Variants in ELF2 observed in about 807,000 individuals in gnomAD.
The protein encoded by ELF2 is E74 like ETS transcription factor 2.
In ELF2, 11 loss-of-function variants were observed where a neutral mutation model predicts 54.8. That is an observed-to-expected ratio of 0.20 (90% CI 0.13 to 0.33). The LOEUF is 0.33. ELF2 is among the 10% of genes least tolerant of loss of function. The pLI, the probability that ELF2 is intolerant of heterozygous loss-of-function variation, is 1.00. For missense variants in ELF2, 513 were observed against 703.0 expected (o/e 0.73, Z 3.06); for synonymous variants, 203 against 245.1 (o/e 0.83, Z 1.61).
chr4:139,140,883 C>T (rs1174093626), intron 1 of ELF2, among the ~76,000 whole-genome samples: 1 of 152,060 alleles, frequency 6.6e-6, no homozygotes, highest in Non-Finnish European at 1.5e-5. Context: ...CTTGTCTCCA[C>T]TTTCTAATTT....
intron 1 of ELF2, among the ~76,000 whole-genome samples, chr4:139,175,771 T>G (rs946387476): frequency 4.6e-5 from 7 of 152,234 alleles, no homozygotes; most frequent in African/African-American, 1.7e-4. Flanking sequence ...TAAATGTTCA[T>G]GAACACAAGA....
At chr4:139,070,297 G>A (rs887684526) in intron 6 of ELF2, among the ~76,000 whole-genome samples, 1 of 144,646 alleles carries the variant, frequency 6.9e-6, no homozygotes, top group Non-Finnish European at 1.5e-5. Flanking sequence ...TAAATGTGGT[G>A]TTTTTTTTTT....
intron 4 of ELF2, among the ~76,000 whole-genome samples, chr4:139,077,791 T>G (rs903355400): frequency 6.6e-6 from 1 of 152,194 alleles, no homozygotes; most frequent in East Asian, 1.9e-4. Context: ...AGCTGAAAAG[T>G]AGAATTCCTT....
chr4:139,156,184 G>A (rs1386998564), intron 1 of ELF2, among the ~76,000 whole-genome samples: 2 of 151,174 alleles, frequency 1.3e-5, no homozygotes. Context: ...TTTGGCGGGG[G>A]AGTCGTCGGG....
rs1314098461 is a variant in ELF2, at chr4:139,114,660, T to G, written c.238+10504A>C. Among the ~76,000 whole-genome samples, 126 of 144,076 alleles carry G rather than the reference T, an allele frequency of 8.7e-4. 2 individuals carry two copies. Among genetic ancestry groups the G allele is most frequent in the African/African-American group, 3.3e-3 (125 of 38,348 alleles). The allele number at this position is 144,076 out of a possible 152,430, so 94.5% of individuals were successfully genotyped here. The stretch of plus-strand genomic sequence containing the variant: ...TTTCTTTCTTTTTTTTTTTTTTTTT[T>G]GCACCAAAGGCGTATCCTAGCTTTA... On this transcript the variant is annotated intron_variant, in intron 4 of 9. Transcript: ENST00000686138.
chr4:139,091,495 T>A (rs1285993391), intron 4 of ELF2, among the ~76,000 whole-genome samples: 1 of 151,876 alleles, frequency 6.6e-6, no homozygotes, highest in Non-Finnish European at 1.5e-5. Flanking sequence ...AAAATAGTAA[T>A]TTTTTTTGAG....
rs748949267 is a variant in ELF2 at position 139,059,461 on chromosome 4, A to G, written c.1304T>C (p.Ile435Thr). ...TGGCATCACAGTAGGGATTGTCTGA[A>G]TGACTACCTTTGGAGAGGTCGCTGT... ...PTTATSPKVV[I>T]QTIPTVMPAS... is the part of the protein sequence containing the mutation. Residue 435 changes from isoleucine to threonine, a missense_variant, in exon 10 of 10, where the codon ATT (isoleucine) becomes ACT (threonine). Around this residue, in one of 3 missense-constraint regions of ELF2, gnomAD observed 291 missense variants for 366.1 expected, o/e 0.79. Coordinates refer to ENST00000686138, the MANE Select transcript of ELF2 (RefSeq NM_001331036.3). 5 of 1,613,964 alleles carry G rather than the reference A, an allele frequency of 3.1e-6. No homozygotes were observed. The highest frequency in any genetic ancestry group is 3.4e-6 in the Non-Finnish European group (4 of 1,179,862).
In ELF2 at chr4:139,153,062, G is replaced by A. The variant is rs1740177190; in HGVS notation, c.-251-13565C>T. Among the ~76,000 whole-genome samples the A allele has an allele frequency of 3.3e-5, 5 of 151,718 alleles. No homozygotes were observed. In the South Asian group the frequency reaches 1.0e-3, roughly 32 times the overall value. ...TTCTTTCCATCCTTACAACAGCCCT[G>A]TAAAATAGGCATAATTATCCCCTTT... On this transcript the variant is annotated intron_variant, in intron 1 of 9. Transcript: ENST00000686138.
intron 3 of ELF2, among the ~76,000 whole-genome samples, chr4:139,126,090 A>G (rs905375464): frequency 3.9e-5 from 6 of 152,176 alleles, no homozygotes; most frequent in Non-Finnish European, 8.8e-5. Flanking sequence ...TATTCCACAC[A>G]CAGAGAAGAT....
chr4:139,118,788 G>T (rs1272441621), intron 4 of ELF2, among the ~76,000 whole-genome samples: 2 of 151,938 alleles, frequency 1.3e-5, no homozygotes, highest in African/African-American at 4.8e-5. Context: ...GTCTATACTT[G>T]AAGTCACAGG....
At chr4:139,134,162 TAATG>T (rs1431887871) in intron 3 of ELF2, among the ~76,000 whole-genome samples, 1 of 152,182 alleles carries the variant, frequency 6.6e-6, no homozygotes, top group Non-Finnish European at 1.5e-5. Context: ...AAAGTTTGTA[TAATG>T]AATAGGTGTT....
At chr4:139,166,374 C>A (rs1484111158) in intron 1 of ELF2, among the ~76,000 whole-genome samples, 1 of 150,218 alleles carries the variant, frequency 6.7e-6, no homozygotes, top group Admixed American at 6.6e-5. Context: ...GTGACAGAGT[C>A]AAACTGTCTC....
rs574117767 is a variant in ELF2, at chr4:139,062,295, C to T, written c.614-238G>A. Among the ~76,000 whole-genome samples, 5 of 152,160 alleles carry T rather than the reference C, an allele frequency of 3.3e-5. No homozygotes were observed. The South Asian group carries it at 1.0e-3, about 32-fold the overall frequency. On this transcript the variant is annotated intron_variant, in intron 7 of 9. Coordinates refer to ENST00000686138, the MANE Select transcript of ELF2 (RefSeq NM_001331036.3). ...AAGCAATTCTCCTGCCTCGGCCTCC[C>T]GAGTAGCTGGGATTACAGGCACATT...
In ELF2 at chr4:139,150,081, T is replaced by C. The variant is rs549895691; in HGVS notation, c.-251-10584A>G. Among the ~76,000 whole-genome samples the C allele has an allele frequency of 1.3e-3, 200 of 152,178 alleles. 1 individual carries two copies. The highest frequency in any genetic ancestry group is 4.7e-3 in the African/African-American group (195 of 41,516). ...GTGGCCAGGCACAGTGGCTCACGCC[T>C]GTAATCCCAATACTTTGGGAGGCCG... On this transcript the variant is annotated intron_variant, in intron 1 of 9. Coordinates refer to ENST00000686138, the MANE Select transcript of ELF2 (RefSeq NM_001331036.3).
At position 139,093,210 on chromosome 4, in the gene ELF2, C is replaced by T. The variant is rs1321952317; in HGVS notation, c.239-19643G>A. Reference sequence around the variant, plus strand: ...TCGATCTCCTGACCTCGTGATCCGCCCACCTCGGCCTCCCAAAGTGCTGGG... The same window carrying T: ...TCGATCTCCTGACCTCGTGATCCGCTCACCTCGGCCTCCCAAAGTGCTGGG... On this transcript the variant is annotated intron_variant, in intron 4 of 9. Coordinates refer to ENST00000686138, the MANE Select transcript of ELF2 (RefSeq NM_001331036.3). Among the ~76,000 whole-genome samples, 4 of 152,202 alleles carry T rather than the reference C, an allele frequency of 2.6e-5. No homozygotes were observed. In the South Asian group the frequency reaches 8.3e-4, roughly 32 times the overall value.
intron 5 of ELF2, among the ~76,000 whole-genome samples, chr4:139,072,441 A>AAT (rs1729649190): frequency 6.6e-6 from 1 of 152,214 alleles, no homozygotes; most frequent in Non-Finnish European, 1.5e-5. Context: ...TTTAACAGGT[A>AAT]ATATATGCAT....
At position 139,150,967 on chromosome 4, in the gene ELF2, T is replaced by TGAGGCGAGA. The variant is rs1553971233; in HGVS notation, c.-251-11471_-251-11470insTCTCGCCTC. Among the ~76,000 whole-genome samples, 25 of 135,832 alleles carry TGAGGCGAGA rather than the reference T, an allele frequency of 1.8e-4. 1 individual carries two copies. Among genetic ancestry groups the TGAGGCGAGA allele is most frequent in the Admixed American group, 5.1e-4 (7 of 13,726 alleles). 89.1% of individuals were successfully genotyped at this position (135,832 alleles called of 152,430 possible). The stretch of plus-strand genomic sequence containing the variant: ...GTGAACCCGGGAGGCGAGCTTGCAG[T>TGAGGCGAGA]GAGCCGAGATCGCACCACTGCACTC... On this transcript the variant is annotated intron_variant, in intron 1 of 9. Coordinates refer to ENST00000686138, the MANE Select transcript of ELF2 (RefSeq NM_001331036.3).
intron 4 of ELF2, among the ~76,000 whole-genome samples, chr4:139,097,763 T>C (rs1733441711): frequency 6.6e-6 from 1 of 152,230 alleles, no homozygotes; most frequent in African/African-American, 2.4e-5. Context: ...TTCATTGTTT[T>C]CTAATATTCT....
At chr4:139,087,998 A>G (rs1732174730) in intron 4 of ELF2, among the ~76,000 whole-genome samples, 1 of 152,110 alleles carries the variant, frequency 6.6e-6, no homozygotes, top group South Asian at 2.1e-4. Flanking sequence ...GTTTATGAAA[A>G]ATTTTAGGCT....
Sources: gnomAD v4.1 joint callset for allele counts (sites outside exome capture counted in the v4.1 genomes callset) on GRCh38, gnomAD v4.1.1 for gene constraint, gnomAD v4.1.1 regional missense constraint, MANE v1.5 for transcripts, NCBI Gene and HGNC (gene_info 2026-07-23, HGNC 2026-07-21) for gene names.